The following CCDC178 variants were observed in gnomAD, a reference collection of about 807,000 sequenced individuals.
CCDC178 encodes the protein coiled-coil domain-containing protein 178.
A neutral mutation model predicts 117.4 loss-of-function variants in CCDC178; 126 were observed. That is an observed-to-expected ratio of 1.07 (90% CI 0.93 to 1.24). The LOEUF is 1.24. Among genes scored for constraint, CCDC178 ranks in the 50% most tolerant of loss-of-function variants. The pLI is 0.00. For missense variants in CCDC178, 1,030 were observed against 986.9 expected, an observed-to-expected ratio of 1.04 and a Z score of -0.59; for synonymous variants, 283 against 313.4, an observed-to-expected ratio of 0.90 and a Z score of 1.02.
chr18:33,428,888 A>C (rs2064165171), intron 2 of CCDC178, among the ~76,000 whole-genome samples: 1 of 151,856 alleles, frequency 6.6e-6, no homozygotes, highest in Non-Finnish European at 1.5e-5. Context: ...AATGCTTTTA[A>C]ATGAGAATAA....
At chr18:33,440,392 A>AC (rs1481196970) in intron 1 of CCDC178, 1 of 144,000 alleles carries the variant, frequency 6.9e-6, no homozygotes. Flanking sequence ...ACAGGGGGAC[A>AC]AAACGACTGG....
chr18:33,193,983 G>A (rs1242325223), intron 20 of CCDC178, among the ~76,000 whole-genome samples: 1 of 152,148 alleles, frequency 6.6e-6, no homozygotes, highest in Admixed American at 6.5e-5. Context: ...GCAAAAGGGG[G>A]CCAAATATGT....
chr18:33,424,388 C>G (rs1231465064), intron 2 of CCDC178, among the ~76,000 whole-genome samples: 1 of 152,116 alleles, frequency 6.6e-6, no homozygotes. Context: ...GTGTAAGGTA[C>G]GTGGATGTGC....
intron 12 of CCDC178, among the ~76,000 whole-genome samples, chr18:33,275,742 C>T (rs994899959): frequency 1.3e-5 from 2 of 150,464 alleles, no homozygotes; most frequent in Non-Finnish European, 3.0e-5. Context: ...ATCTGGGAAA[C>T]ATTTTTGCAT....
chr18:33,193,846 A>G (rs1160921031), intron 20 of CCDC178, among the ~76,000 whole-genome samples: 1 of 152,224 alleles, frequency 6.6e-6, no homozygotes, highest in Non-Finnish European at 1.5e-5. Context: ...TGGGTAATAT[A>G]TAATCAACAG....
Position 33,308,711 on chromosome 18 carries a change from G to A in CCDC178, c.1022+14780C>T, listed in dbSNP as rs147319530. 6.7e-3 allele frequency among the ~76,000 whole-genome samples: 1,017 copies of A among 152,280 alleles called. 11 individuals are homozygous for A. Among genetic ancestry groups the A allele is most frequent in the Non-Finnish European group, 0.011 (764 of 68,014 alleles). On this transcript the variant is annotated intron_variant, in intron 11 of 22. Coordinates refer to ENST00000383096, the MANE Select transcript of CCDC178 (RefSeq NM_001105528.4). ...GGGACCCAGTGGGAGGTAATTGAAT[G>A]ATGGGGCAGTTCCCCCATACTATTC...
chr18:33,131,986 G>C (rs1315691133), intron 20 of CCDC178, among the ~76,000 whole-genome samples: 1 of 145,298 alleles, frequency 6.9e-6, no homozygotes, highest in Non-Finnish European at 1.5e-5. Flanking sequence ...TTGTTTGTTT[G>C]TTTCTTTGTT....
chr18:33,313,272 A>C (rs1253653248), intron 11 of CCDC178, among the ~76,000 whole-genome samples: 2 of 152,214 alleles, frequency 1.3e-5, no homozygotes, highest in African/African-American at 4.8e-5. Flanking sequence ...AGAGGCTGTA[A>C]GAAAACCAGC....
At chr18:33,351,453 A>G (rs947107933) in intron 7 of CCDC178, among the ~76,000 whole-genome samples, 1 of 152,144 alleles carries the variant, frequency 6.6e-6, no homozygotes, top group Non-Finnish European at 1.5e-5. Context: ...TTGGCCTCCC[A>G]AAGTGCTGGG....
intron 20 of CCDC178, among the ~76,000 whole-genome samples, chr18:33,174,774 C>T (rs2058643966): frequency 6.6e-6 from 1 of 152,082 alleles, no homozygotes; most frequent in African/African-American, 2.4e-5. Flanking sequence ...TTTATTATAT[C>T]CCAAACTACA....
chr18:33,057,215 T>C (rs9966700), intron 21 of CCDC178, among the ~76,000 whole-genome samples: 21,597 of 152,140 alleles, frequency 0.14, 2,371 homozygotes, highest in African/African-American at 0.31. Flanking sequence ...TTTATTTCAA[T>C]AAAGCACACA....
At chr18:33,303,926 G>A (rs2062214831) in intron 11 of CCDC178, among the ~76,000 whole-genome samples, 1 of 152,156 alleles carries the variant, frequency 6.6e-6, no homozygotes, top group African/African-American at 2.4e-5. Context: ...ATCCTATGCA[G>A]TTCATGGAAT....
chr18:33,255,583 C>A (rs1233579623), intron 14 of CCDC178, among the ~76,000 whole-genome samples: 1 of 151,980 alleles, frequency 6.6e-6, no homozygotes, highest in Non-Finnish European at 1.5e-5. Context: ...GGATATAGAA[C>A]AACGCCCAAA....
intron 12 of CCDC178, among the ~76,000 whole-genome samples, chr18:33,270,854 A>T (rs530808018): frequency 6.6e-6 from 1 of 151,584 alleles, no homozygotes; most frequent in South Asian, 2.1e-4. Context: ...TTATTTTGTA[A>T]CTCTTCTTCA....
chr18:33,424,663 C>CA (rs1307027614), intron 2 of CCDC178, among the ~76,000 whole-genome samples: 3 of 152,070 alleles, frequency 2.0e-5, no homozygotes, highest in Non-Finnish European at 4.4e-5. Flanking sequence ...ACGGCACGGC[C>CA]CAGAGGGAGA....
chr18:33,440,568 C>T (rs1326024812), intron 1 of CCDC178, 85 bp downstream of exon 1: 1 of 151,990 alleles, frequency 6.6e-6, no homozygotes, highest in East Asian at 1.9e-4. Flanking sequence ...CGCAGGCGGG[C>T]GGCCAGGGGG....
chr18:33,274,190 C>T (rs1306886544), intron 12 of CCDC178, among the ~76,000 whole-genome samples: 2 of 151,490 alleles, frequency 1.3e-5, no homozygotes, highest in East Asian at 1.9e-4. Flanking sequence ...AATGAGATCC[C>T]GCTATATATC....
intron 9 of CCDC178, among the ~76,000 whole-genome samples, chr18:33,337,266 ACT>A (rs1313661322): frequency 6.6e-6 from 1 of 151,420 alleles, no homozygotes; most frequent in Non-Finnish European, 1.5e-5. Context: ...TTATCCTGAA[ACT>A]CTGCTGAATT....
At chr18:33,291,424 A>G (rs1037058720) in intron 12 of CCDC178, among the ~76,000 whole-genome samples, 2 of 152,158 alleles carry the variant, frequency 1.3e-5, no homozygotes. Flanking sequence ...TTCACAGAAA[A>G]GGAAATACAA....
Sources: allele counts gnomAD v4.1 joint callset (sites outside exome capture counted in the v4.1 genomes callset), GRCh38; gene constraint gnomAD v4.1.1; transcripts MANE v1.5; gene names NCBI Gene and HGNC (gene_info 2026-07-23, HGNC 2026-07-21).